Variants in RASGRP3 observed in about 807,000 individuals in gnomAD.
RASGRP3 encodes the protein RAS guanyl releasing protein 3, also known as ras guanyl-releasing protein 3.
RASGRP3 carries 54 observed loss-of-function variants against 82.7 expected under a neutral mutation model. The ratio of observed to expected loss-of-function variants is 0.65; its 90% CI spans 0.52 to 0.82. RASGRP3 has a LOEUF of 0.82. RASGRP3 is among the 40% of genes least tolerant of loss of function. RASGRP3 has a pLI of 0.00. For synonymous variants in RASGRP3, 309 were observed against 300.5 expected (o/e 1.03, Z -0.29); for missense variants, 861 against 828.9 (o/e 1.04, Z -0.48).
intron 1 of RASGRP3, among the ~76,000 whole-genome samples, chr2:33,439,378 G>C (rs1394148626): frequency 2.0e-5 from 3 of 152,124 alleles, no homozygotes; most frequent in Non-Finnish European, 2.9e-5. Flanking sequence ...GAGGAGAGCT[G>C]ATGGATGAGG....
At chr2:33,549,272 T>C (rs1249257145) in intron 13 of RASGRP3, among the ~76,000 whole-genome samples, 1 of 152,186 alleles carries the variant, frequency 6.6e-6, no homozygotes, top group Non-Finnish European at 1.5e-5. Context: ...AGGCAAGGAC[T>C]AGAAAGATGT....
intron 1 of RASGRP3, chr2:33,481,996 G>A (rs539197985): frequency 9.9e-5 from 15 of 152,012 alleles, no homozygotes; most frequent in African/African-American, 3.1e-4. Flanking sequence ...GAGCCACTGT[G>A]CCTGGCTAGC....
rs1184784903 is a variant in RASGRP3, at chr2:33,463,018, A to G, written c.-261+15075A>G. On this transcript the variant is annotated intron_variant, in intron 2 of 18. Coordinates refer to the RASGRP3 transcript ENST00000402538. The stretch of plus-strand genomic sequence containing the variant: ...CAAGAATGAAAAGAATCCTAGAATC[A>G]ACAGTGGCATTTCAGAAGATCTAGA... Among the ~76,000 whole-genome samples, 9 of 152,332 alleles carry G rather than the reference A, an allele frequency of 5.9e-5. No homozygotes were observed. In the East Asian group the frequency reaches 1.7e-3, roughly 29 times the overall value.
At chr2:33,524,877 A>G (rs1253814528) in intron 9 of RASGRP3, among the ~76,000 whole-genome samples, 1 of 152,016 alleles carries the variant, frequency 6.6e-6, no homozygotes, top group African/African-American at 2.4e-5. Flanking sequence ...CAGGAGATCT[A>G]TACCATCCTG....
intron 1 of RASGRP3, among the ~76,000 whole-genome samples, chr2:33,493,469 C>G (rs1423934553): frequency 6.6e-6 from 1 of 152,114 alleles, no homozygotes; most frequent in African/African-American, 2.4e-5. Flanking sequence ...AAAAGAGAAG[C>G]CAAGGTTTGA....
At chr2:33,471,039 T>C (rs1667030761) in intron 2 of RASGRP3, among the ~76,000 whole-genome samples, 1 of 152,214 alleles carries the variant, frequency 6.6e-6, no homozygotes, top group Non-Finnish European at 1.5e-5. Context: ...ACATTAATAC[T>C]TCCAGTATTT....
chr2:33,500,925 T>TC (rs1330192289), intron 1 of RASGRP3, among the ~76,000 whole-genome samples: 1 of 152,150 alleles, frequency 6.6e-6, no homozygotes, highest in East Asian at 1.9e-4. Context: ...GGAGCAAGAC[T>TC]CCGTCTCAAA....
At chr2:33,484,950 G>C (rs905752620) in intron 1 of RASGRP3, among the ~76,000 whole-genome samples, 4 of 152,158 alleles carry the variant, frequency 2.6e-5, no homozygotes, top group Admixed American at 1.3e-4. Flanking sequence ...TGTAATCCCA[G>C]CACTTTGGGA....
intron 14 of RASGRP3, chr2:33,555,087 CAG>C (rs1177419218): frequency 6.5e-6 from 1 of 154,640 alleles, no homozygotes. Flanking sequence ...AAATACTACT[CAG>C]AAAATAGCCT....
chr2:33,515,433 G>C (rs1025718449), intron 3 of RASGRP3, among the ~76,000 whole-genome samples: 2 of 152,042 alleles, frequency 1.3e-5, no homozygotes, highest in Admixed American at 6.6e-5. Flanking sequence ...AATGTTTCTG[G>C]AACATTCTCT....
chr2:33,523,838 G>C (rs374237160), intron 7 of RASGRP3, 41 bp from the exon 8 acceptor site: 1 of 1,512,692 alleles, frequency 6.6e-7, no homozygotes. Context: ...TTTTACAAAG[G>C]CTCTATTATA....
intron 1 of RASGRP3, among the ~76,000 whole-genome samples, chr2:33,444,868 T>C (rs1032803397): frequency 4.6e-5 from 7 of 152,342 alleles, no homozygotes; most frequent in South Asian, 4.1e-4. Flanking sequence ...CATAATGTTT[T>C]GAAGTGAATT....
At chr2:33,523,817 C>T (rs1672264446) in intron 7 of RASGRP3, 62 bp from the exon 8 acceptor site, 3 of 1,420,454 alleles carry the variant, frequency 2.1e-6, no homozygotes, top group Non-Finnish European at 2.9e-6. Flanking sequence ...ATGCAATATT[C>T]TAATTTTTGA....
chr2:33,476,758 C>CGTGCATGTGT (rs1553338895), intron 1 of RASGRP3, 51 bp downstream of exon 1: 1 of 140,258 alleles, frequency 7.1e-6, no homozygotes, highest in Non-Finnish European at 1.5e-5. Flanking sequence ...ATTCCCTCTC[C>CGTGCATGTGT]GTGTGTGTGT....
At chr2:33,554,403 T>C (rs1675696386) in intron 14 of RASGRP3, among the ~76,000 whole-genome samples, 1 of 152,180 alleles carries the variant, frequency 6.6e-6, no homozygotes, top group African/African-American at 2.4e-5. Flanking sequence ...TAATTACCCA[T>C]ACTGTATGCC....
intron 1 of RASGRP3, among the ~76,000 whole-genome samples, chr2:33,445,568 C>G (rs949274630): frequency 6.6e-6 from 1 of 152,086 alleles, no homozygotes; most frequent in Non-Finnish European, 1.5e-5. Context: ...TGACTGCATA[C>G]TGCACCTAAA....
At position 33,554,886 on chromosome 2, in the gene RASGRP3, C is replaced by T. The variant is rs1035902107; in HGVS notation, c.1543-645C>T. Among the ~76,000 whole-genome samples, 8 of 152,318 alleles carry T rather than the reference C, an allele frequency of 5.3e-5. No homozygotes were observed. The East Asian group carries it at 1.5e-3, about 29-fold the overall frequency. On this transcript the variant is annotated intron_variant, in intron 14 of 17. Transcript: ENST00000403687. ...GCTCCCTCGTGGAACTGCAGGCCCT[C>T]ACATCTCCCCTCAGGGATTTGTCAC...
intron 1 of RASGRP3, among the ~76,000 whole-genome samples, chr2:33,439,871 C>A (rs373279045): frequency 2.0e-5 from 3 of 152,062 alleles, no homozygotes; most frequent in African/African-American, 7.2e-5. Flanking sequence ...TAAGATCTGC[C>A]GGTTGGAGGC....
chr2:33,468,408 T>G (rs896065302), intron 2 of RASGRP3, among the ~76,000 whole-genome samples: 5 of 148,562 alleles, frequency 3.4e-5, no homozygotes, highest in African/African-American at 9.9e-5. Context: ...GCTTCAACAT[T>G]TTTTTTTTTT....
Sources: gnomAD v4.1 joint callset for allele counts (sites outside exome capture counted in the v4.1 genomes callset) on GRCh38, gnomAD v4.1.1 for gene constraint, MANE v1.5 for transcripts, NCBI Gene and HGNC (gene_info 2026-07-23, HGNC 2026-07-21) for gene names.